Variants in RAPGEF1 observed in about 807,000 individuals in gnomAD.
RAPGEF1 encodes Rap guanine nucleotide exchange factor 1, also known as CRK SH3-binding GNRP.
A neutral mutation model predicts 143.3 loss-of-function variants in RAPGEF1; 33 were observed. That is an observed-to-expected ratio of 0.23 (90% CI 0.17 to 0.31). The LOEUF is 0.31. RAPGEF1 is among the 10% of genes least tolerant of loss of function. The probability of loss-of-function intolerance (pLI) is 1.00; values close to 1 mark genes in which losing one functional copy is unlikely to be tolerated. For missense variants in RAPGEF1, 1,199 were observed against 1,645.4 expected (o/e 0.73, Z 4.69); for synonymous variants, 629 against 676.5 (o/e 0.93, Z 1.09).
chr9:131,630,218 G>A lies in RAPGEF1; in HGVS notation c.740+18C>T. The A allele has an allele frequency of 6.2e-7, 1 of 1,611,746 alleles. No homozygotes were observed. Among genetic ancestry groups the A allele is most frequent in the East Asian group, 2.2e-5 (1 of 44,822 alleles). On this transcript the variant is annotated intron_variant, in intron 6 of 26. Transcript: ENST00000683357. ...ACTGAGCGTGACACCCGCGACACGA[G>A]GGTTAGTCAGCACCTACCCATCAGG...
chr9:131,579,678 G>T, intron 26 of RAPGEF1, 31 bp from the exon 27 acceptor site: 1 of 1,609,330 alleles, frequency 6.2e-7, no homozygotes, highest in Non-Finnish European at 8.5e-7. Context: ...CAGTCAGTGA[G>T]CACCTGTGTG....
At chr9:131,739,267 C>T (rs1043352787) in intron 1 of RAPGEF1, among the ~76,000 whole-genome samples, 3 of 152,218 alleles carry the variant, frequency 2.0e-5, no homozygotes, top group Non-Finnish European at 2.9e-5. Context: ...ACTTGACTAC[C>T]TCCTCAAAAT....
chr9:131,605,931 G>T (rs937271910), intron 12 of RAPGEF1, among the ~76,000 whole-genome samples: 6 of 152,190 alleles, frequency 3.9e-5, no homozygotes, highest in Admixed American at 3.9e-4. Context: ...AAAATGAGCT[G>T]GGGGTGGTGG....
At chr9:131,710,008 G>A in intron 1 of RAPGEF1, 2 of 936,010 alleles carry the variant, frequency 2.1e-6, no homozygotes, top group South Asian at 9.8e-5. Flanking sequence ...CAGCACAACA[G>A]CGGCTTGCAA....
rs145453521 is a variant in RAPGEF1, at chr9:131,702,314, G to T, written c.61+37456C>A. Among the ~76,000 whole-genome samples the T allele has an allele frequency of 1.6e-3, 250 of 152,288 alleles. 5 individuals carry two copies. In the East Asian group the frequency reaches 0.03, roughly 18 times the overall value. ...AAGGCAGAAGACAAAAAGTTGTGAT[G>T]GTAATTGGGTACGCTTAAATAAAGC... On this transcript the variant is annotated intron_variant, in intron 1 of 26. Transcript: ENST00000683357.
At chr9:131,690,419 C>A (rs533965162) in intron 1 of RAPGEF1, among the ~76,000 whole-genome samples, 17 of 152,198 alleles carry the variant, frequency 1.1e-4, no homozygotes, top group African/African-American at 2.4e-5. Context: ...TATGTTTGAT[C>A]GAGCTAAAAT....
At chr9:131,593,287 T>C (rs1402006246) in intron 17 of RAPGEF1, among the ~76,000 whole-genome samples, 1 of 152,314 alleles carries the variant, frequency 6.6e-6, no homozygotes, top group Admixed American at 6.5e-5. Context: ...ACAGCCCTAT[T>C]TATTTGCTGT....
intron 6 of RAPGEF1, among the ~76,000 whole-genome samples, chr9:131,629,716 G>C (rs189818179): frequency 6.6e-6 from 1 of 152,116 alleles, no homozygotes; most frequent in East Asian, 1.9e-4. Flanking sequence ...GCTCTAATCT[G>C]AGAGGAGGAG....
At chr9:131,725,275 G>A (rs1278315961) in intron 1 of RAPGEF1, 1 of 152,212 alleles carries the variant, frequency 6.6e-6, no homozygotes, top group African/African-American at 2.4e-5. Flanking sequence ...CTTCTACTCT[G>A]TGCCAGTTCA....
At chr9:131,664,151 G>A (rs1830052844) in intron 1 of RAPGEF1, among the ~76,000 whole-genome samples, 1 of 152,152 alleles carries the variant, frequency 6.6e-6, no homozygotes, top group South Asian at 2.1e-4. Flanking sequence ...GTGTTACTGA[G>A]GAGTCTCCAT....
chr9:131,610,897 T>C (rs1413927080), intron 12 of RAPGEF1, among the ~76,000 whole-genome samples: 1 of 152,212 alleles, frequency 6.6e-6, no homozygotes. Context: ...GACACCCTCC[T>C]GCCCCAGGAA....
At chr9:131,711,871 T>C (rs1287201543) in intron 1 of RAPGEF1, among the ~76,000 whole-genome samples, 1 of 152,204 alleles carries the variant, frequency 6.6e-6, no homozygotes, top group Non-Finnish European at 1.5e-5. Flanking sequence ...AGGCACTTAA[T>C]GCTCTGTTAA....
intron 1 of RAPGEF1, among the ~76,000 whole-genome samples, chr9:131,697,503 A>G (rs913643229): frequency 2.6e-5 from 4 of 152,228 alleles, no homozygotes; most frequent in Admixed American, 2.6e-4. Flanking sequence ...GAGGGCAGAG[A>G]GAAGGCTGCA....
At chr9:131,734,230 T>C (rs1837275222) in intron 1 of RAPGEF1, among the ~76,000 whole-genome samples, 1 of 152,178 alleles carries the variant, frequency 6.6e-6, no homozygotes, top group Admixed American at 6.5e-5. Flanking sequence ...CGGTTCCCCA[T>C]TCCACTTCTC....
intron 5 of RAPGEF1, among the ~76,000 whole-genome samples, chr9:131,636,258 G>C (rs1966351955): frequency 6.6e-6 from 1 of 152,174 alleles, no homozygotes; most frequent in Admixed American, 6.5e-5. Flanking sequence ...CTCATTGCCT[G>C]GCATATAGAA....
chr9:131,680,831 T>C (rs1216001589), intron 1 of RAPGEF1, among the ~76,000 whole-genome samples: 1 of 152,178 alleles, frequency 6.6e-6, no homozygotes, highest in Non-Finnish European at 1.5e-5. Context: ...TGTGTGTCTT[T>C]AATTCCTCTA....
intron 1 of RAPGEF1, among the ~76,000 whole-genome samples, chr9:131,734,796 A>C (rs1837311371): frequency 6.6e-6 from 1 of 152,252 alleles, no homozygotes; most frequent in South Asian, 2.1e-4. Flanking sequence ...CATGAAATGC[A>C]GTCATTATAA....
intron 1 of RAPGEF1, among the ~76,000 whole-genome samples, chr9:131,713,587 T>G (rs1835659523): frequency 6.6e-6 from 1 of 152,188 alleles, no homozygotes; most frequent in Non-Finnish European, 1.5e-5. Flanking sequence ...TTTCCACACC[T>G]TGTATTTTCA....
intron 12 of RAPGEF1, among the ~76,000 whole-genome samples, chr9:131,614,388 G>A (rs1958563489): frequency 6.6e-6 from 1 of 152,214 alleles, no homozygotes; most frequent in Admixed American, 6.5e-5. Flanking sequence ...GGGCCATTCC[G>A]TTTTCCTCCT....
Sources: allele counts gnomAD v4.1 joint callset (sites outside exome capture counted in the v4.1 genomes callset), GRCh38; gene constraint gnomAD v4.1.1; transcripts MANE v1.5; gene names NCBI Gene and HGNC (gene_info 2026-07-23, HGNC 2026-07-21).